The following HMGN3 variants were observed in gnomAD, a reference collection of about 807,000 sequenced individuals.
HMGN3 encodes high mobility group nucleosome-binding domain-containing protein 3.
HMGN3 carries 6 observed loss-of-function variants against 18.8 expected under a neutral mutation model. The observed-to-expected ratio is 0.32, with a 90% CI of 0.18 to 0.63. The LOEUF is 0.63. HMGN3 is among the 30% of genes least tolerant of loss of function. The pLI, the probability that HMGN3 is intolerant of heterozygous loss-of-function variation, is 0.79. For missense variants in HMGN3, 107 were observed against 114.2 expected (o/e 0.94, Z 0.29); for synonymous variants, 40 against 36.5 (o/e 1.10, Z -0.35).
chr6:79,201,516 T>C (rs1776132205), exon 6 of HMGN3: 1 of 557,558 alleles, frequency 1.8e-6, no homozygotes, highest in Middle Eastern at 4.7e-4. Context: ...GAGGATGATG[T>C]AAATTTCCAA....
chr6:79,216,344 A>G (rs1170976434), intron 1 of HMGN3, among the ~76,000 whole-genome samples: 1 of 152,236 alleles, frequency 6.6e-6, no homozygotes, highest in Non-Finnish European at 1.5e-5. Context: ...ATGGAATTAA[A>G]AAGTTAGGTG....
At chr6:79,219,974 GATTAAA>G (rs1397201245) in intron 1 of HMGN3, among the ~76,000 whole-genome samples, 1 of 152,108 alleles carries the variant, frequency 6.6e-6, no homozygotes, top group African/African-American at 2.4e-5. Flanking sequence ...AACTTAAGTT[GATTAAA>G]ATTAAATAAC....
At chr6:79,208,105 T>A (rs1284766073) in intron 3 of HMGN3, among the ~76,000 whole-genome samples, 2 of 152,138 alleles carry the variant, frequency 1.3e-5, no homozygotes, top group South Asian at 4.1e-4. Flanking sequence ...ATTATTACTA[T>A]TACAAAGATT....
At chr6:79,201,959 C>A in intron 5 of HMGN3, 104 bp downstream of exon 6, 1 of 1,455,178 alleles carries the variant, frequency 6.9e-7, no homozygotes, top group Non-Finnish European at 9.0e-7. Flanking sequence ...AGAAGCCTTA[C>A]CTGCAAGCTC....
At chr6:79,209,463 T>C (rs1478465192) in intron 2 of HMGN3, among the ~76,000 whole-genome samples, 1 of 152,200 alleles carries the variant, frequency 6.6e-6, no homozygotes, top group African/African-American at 2.4e-5. Flanking sequence ...AAATACTCCA[T>C]ACTTTTTGTC....
chr6:79,223,802 A>C (rs1777424978), intron 1 of HMGN3, among the ~76,000 whole-genome samples: 1 of 151,612 alleles, frequency 6.6e-6, no homozygotes, highest in Non-Finnish European at 1.5e-5. Context: ...CACGTGGCTC[A>C]ATCAGAAGCC....
chr6:79,201,835 T>C (rs1367328459), intron 5 of HMGN3, 109 bp from the exon 7 acceptor site: 2 of 1,485,370 alleles, frequency 1.3e-6, no homozygotes, highest in Non-Finnish European at 1.8e-6. Flanking sequence ...TTTTCTTTTT[T>C]TTTTCCAGCT....
In HMGN3 at chr6:79,233,517, T is replaced by C. The variant is rs1777961644; in HGVS notation, c.15+1029A>G. ...TAATACCCACACTCGTTGACACTGT[T>C]GGAAACACTGAGGCTGGCGGTGGGA... is the stretch of plus-strand genomic sequence containing the variant. On this transcript the variant is annotated intron_variant, in intron 1 of 5. Coordinates refer to ENST00000344726, the Ensembl canonical transcript of HMGN3. Among the ~76,000 whole-genome samples, 3 of 152,314 alleles carry C rather than the reference T, an allele frequency of 2.0e-5. No individual in the cohort carries two copies. The South Asian group carries it at 6.2e-4, about 32-fold the overall frequency.
At chr6:79,206,914 CA>C (rs1166079129) in intron 3 of HMGN3, among the ~76,000 whole-genome samples, 2 of 152,204 alleles carry the variant, frequency 1.3e-5, no homozygotes, top group African/African-American at 2.4e-5. Context: ...GAAAAGGAGT[CA>C]AAGATCATTT....
At chr6:79,219,810 C>T (rs947102400) in intron 1 of HMGN3, among the ~76,000 whole-genome samples, 4 of 152,010 alleles carry the variant, frequency 2.6e-5, no homozygotes, top group Non-Finnish European at 5.9e-5. Context: ...ATCTGGTGTT[C>T]GTTTTATACT....
At chr6:79,233,861 A>G (rs1257351588) in intron 1 of HMGN3, 1 of 152,234 alleles carries the variant, frequency 6.6e-6, no homozygotes, top group Admixed American at 6.5e-5. Context: ...GACGAGCCAT[A>G]TTGGACGCCC....
chr6:79,217,890 G>T (rs1437299522), intron 1 of HMGN3, among the ~76,000 whole-genome samples: 2 of 152,212 alleles, frequency 1.3e-5, no homozygotes, highest in African/African-American at 2.4e-5. Context: ...TCAACCTCCT[G>T]GCAGGTGGAT....
chr6:79,211,132 T>C (rs568673742), intron 2 of HMGN3, among the ~76,000 whole-genome samples: 6 of 152,260 alleles, frequency 3.9e-5, no homozygotes, highest in Non-Finnish European at 7.4e-5. Context: ...CTCTTCTTTC[T>C]ATGCCATTAA....
intron 1 of HMGN3, among the ~76,000 whole-genome samples, chr6:79,223,629 C>T (rs1777414950): frequency 6.6e-6 from 1 of 152,156 alleles, no homozygotes; most frequent in African/African-American, 2.4e-5. Flanking sequence ...TCGCTTGACC[C>T]TGGGAGGTGG....
intron 3 of HMGN3, among the ~76,000 whole-genome samples, chr6:79,206,695 T>A (rs1173457957): frequency 6.6e-6 from 1 of 152,198 alleles, no homozygotes; most frequent in African/African-American, 2.4e-5. Flanking sequence ...AACTGCCTAG[T>A]GGAGCTGTGA....
intron 1 of HMGN3, among the ~76,000 whole-genome samples, chr6:79,227,770 GAAAT>G (rs1041907446): frequency 6.6e-5 from 10 of 152,108 alleles, no homozygotes; most frequent in African/African-American, 2.2e-4. Context: ...CCCACTGTAT[GAAAT>G]AATTAAACCT....
intron 1 of HMGN3, among the ~76,000 whole-genome samples, chr6:79,219,514 G>T (rs1360236562): frequency 6.6e-6 from 1 of 152,048 alleles, no homozygotes; most frequent in Non-Finnish European, 1.5e-5. Context: ...AGAAAAAAAT[G>T]TAAAAAATAT....
intron 4 of HMGN3, among the ~76,000 whole-genome samples, chr6:79,203,296 T>C (rs1277153284): frequency 6.6e-6 from 1 of 152,188 alleles, no homozygotes; most frequent in Non-Finnish European, 1.5e-5. Context: ...ATCCCCGCTG[T>C]GTGCCGCATG....
At position 79,208,579 on chromosome 6, in the gene HMGN3, A is replaced by G; in HGVS notation, c.67-3T>C. 6.2e-7 allele frequency: 1 copy of G among 1,609,300 alleles called. No individual in the cohort carries two copies. Among genetic ancestry groups the G allele is most frequent in the Non-Finnish European group, 8.5e-7 (1 of 1,175,532 alleles). The stretch of plus-strand genomic sequence containing the variant: ...AATCTGGCAGACCGTCTTGTGGGCT[A>G]CAAAGGGAATGGGAAAATATACATA... On this transcript the variant is annotated splice_region_variant and splice_polypyrimidine_tract_variant and intron_variant, in intron 2 of 5. Coordinates refer to ENST00000344726, the Ensembl canonical transcript of HMGN3.
Sources: gnomAD v4.1 joint callset for allele counts (sites outside exome capture counted in the v4.1 genomes callset) on GRCh38, gnomAD v4.1.1 for gene constraint, MANE v1.5 for transcripts, NCBI Gene and HGNC (gene_info 2026-07-23, HGNC 2026-07-21) for gene names.